Variants in ASAH2B observed in about 807,000 individuals in gnomAD.
ASAH2B encodes N-acylsphingosine amidohydrolase 2B.
Under a neutral mutation model 2.9 loss-of-function variants are expected in ASAH2B, and 1 was observed. The ratio of observed to expected loss-of-function variants is 0.34; its 90% CI spans 0.12 to 1.63. The LOEUF is 1.63. Among genes scored for constraint, ASAH2B ranks in the 40% most tolerant of loss-of-function variants. The pLI is 0.36. For missense variants in ASAH2B, 9 were observed against 37.7 expected, an observed-to-expected ratio of 0.24 and a Z score of 1.99; for synonymous variants, 4 against 13.3, an observed-to-expected ratio of 0.30 and a Z score of 1.52.
intron 3 of ASAH2B, among the ~76,000 whole-genome samples, chr10:50,746,354 A>G (rs1839905673): frequency 6.6e-6 from 1 of 151,548 alleles, no homozygotes; most frequent in Non-Finnish European, 1.5e-5. Flanking sequence ...ATGACTGAAT[A>G]GTATTCCATT....
intron 2 of ASAH2B, among the ~76,000 whole-genome samples, chr10:50,744,522 C>G (rs1348992265): frequency 6.6e-6 from 1 of 151,502 alleles, no homozygotes; most frequent in African/African-American, 2.4e-5. Flanking sequence ...ATGCCAATTA[C>G]TTTTGTACCA....
chr10:50,743,056 G>A (rs1839856494), intron 2 of ASAH2B, 46 bp downstream of exon 2: 3 of 1,576,706 alleles, frequency 1.9e-6, no homozygotes, highest in Non-Finnish European at 2.6e-6. Flanking sequence ...GTGTGTGTGT[G>A]TGTATGTCTG....
chr10:50,748,897 A>G (rs997628595), intron 3 of ASAH2B, among the ~76,000 whole-genome samples: 5 of 151,548 alleles, frequency 3.3e-5, no homozygotes, highest in Non-Finnish European at 5.9e-5. Flanking sequence ...TAGTCGTTTC[A>G]GGTGGGAGGA....
intron 3 of ASAH2B, among the ~76,000 whole-genome samples, chr10:50,747,293 A>G (rs1403018677): frequency 2.0e-5 from 3 of 151,454 alleles, no homozygotes; most frequent in African/African-American, 7.3e-5. Context: ...TCAATTTATC[A>G]TAAATGTGAG....
At chr10:50,748,872 T>C (rs1304193978) in intron 3 of ASAH2B, among the ~76,000 whole-genome samples, 1 of 151,476 alleles carries the variant, frequency 6.6e-6, no homozygotes, top group African/African-American at 2.4e-5. Context: ...TTAATATATA[T>C]TTTTTCCAGT....
rs2820792 is a variant in ASAH2B at position 50,758,819 on chromosome 10, G to A, written c.*4079G>A. 1.1e-4 allele frequency: 17 copies of A among 151,588 alleles called. No homozygotes were observed. Among genetic ancestry groups the A allele is most frequent in the Non-Finnish European group, 1.9e-4 (13 of 67,912 alleles). The allele number at this position is 151,588 out of a possible 1,614,324, so 9.4% of individuals were successfully genotyped here. A position where few individuals can be genotyped will look rare whatever the true frequency, so the allele number is the denominator to read the frequency against. ...TTAGAGTTTAACGAACAAAGCAAACGGATGAACAGGTAATTACTGTACAGA... is the reference window on the plus strand; with the variant it reads ...TTAGAGTTTAACGAACAAAGCAAACAGATGAACAGGTAATTACTGTACAGA... On this transcript the variant is annotated 3_prime_UTR_variant, in exon 6 of 6. Coordinates refer to ENST00000647317, the MANE Select transcript of ASAH2B (RefSeq NM_001321958.2).
At chr10:50,744,494 A>G (rs78968872) in intron 2 of ASAH2B, among the ~76,000 whole-genome samples, 16,363 of 151,606 alleles carry the variant, frequency 0.11, 1,258 homozygotes, top group African/African-American at 0.18. Flanking sequence ...TTAAATATTC[A>G]TTGAAATTAA....
At chr10:50,754,091 G>A (rs1221123399) in intron 5 of ASAH2B, among the ~76,000 whole-genome samples, 1 of 147,458 alleles carries the variant, frequency 6.8e-6, no homozygotes, top group South Asian at 2.1e-4. Flanking sequence ...TGTACCCTCA[G>A]TACTTCTAGA....
rs560207237 is a variant in ASAH2B, at chr10:50,744,246, T to A, written c.-3-882T>A. 4.0e-5 allele frequency among the ~76,000 whole-genome samples: 6 copies of A among 151,616 alleles called. No homozygotes were observed. The East Asian group carries it at 1.2e-3, about 29-fold the overall frequency. On this transcript the variant is annotated intron_variant, in intron 2 of 5. Transcript: ENST00000647317. ...AGGTCTATAGTTCTTCCCAAGAAAATAGATTCTTCAAATTTTGTAGTGACA... is the reference window on the plus strand; with the variant it reads ...AGGTCTATAGTTCTTCCCAAGAAAAAAGATTCTTCAAATTTTGTAGTGACA...
At chr10:50,744,820 C>G (rs560072800) in intron 2 of ASAH2B, 1 of 414,374 alleles carries the variant, frequency 2.4e-6, no homozygotes, top group Admixed American at 4.0e-5. Context: ...GGCCCCTGTA[C>G]AAGGTCAGAC....
At position 50,747,437 on chromosome 10, in the gene ASAH2B, G is replaced by GT. The variant is rs1050021559; in HGVS notation, c.145-1898dup. On this transcript the variant is annotated intron_variant, in intron 3 of 5. Transcript: ENST00000647317. ...CAGGTTGTGTGGTACCTTCATCTTT[G>GT]TTTTTTTTGCTGAAGATCCAATCCA... Among the ~76,000 whole-genome samples, 18 of 150,804 alleles carry GT rather than the reference G, an allele frequency of 1.2e-4. 1 individual carries two copies. Among genetic ancestry groups the GT allele is most frequent in the African/African-American group, 3.9e-4 (16 of 40,958 alleles).
chr10:50,745,933 G>A (rs1839898957), intron 3 of ASAH2B, among the ~76,000 whole-genome samples: 2 of 150,990 alleles, frequency 1.3e-5, no homozygotes, highest in East Asian at 3.9e-4. Flanking sequence ...TATACATGGG[G>A]AATGGCTCAA....
In ASAH2B at chr10:50,756,031, C is replaced by T. The variant is rs1330414922; in HGVS notation, c.*1291C>T. 3.7e-5 allele frequency: 3 copies of T among 81,588 alleles called. No homozygotes were observed. The highest frequency in any genetic ancestry group is 1.8e-4 in the Admixed American group (1 of 5,550). The allele number at this position is 81,588 out of a possible 1,614,324, so 5.1% of individuals were successfully genotyped here. On this transcript the variant is annotated 3_prime_UTR_variant, in exon 6 of 6. Transcript: ENST00000647317. ...ACCCCAAAGAATAAGATATGACAAT[C>T]TGACATCGATTGTCTGAAAGTACTA...
At chr10:50,747,827 A>C (rs188678762) in intron 3 of ASAH2B, among the ~76,000 whole-genome samples, 2 of 151,976 alleles carry the variant, frequency 1.3e-5, no homozygotes, top group African/African-American at 4.8e-5. Context: ...ACTCATGTCC[A>C]TGAGGGATAT....
chr10:50,743,258 C>T (rs1054694765), intron 2 of ASAH2B, among the ~76,000 whole-genome samples: 1 of 151,870 alleles, frequency 6.6e-6, no homozygotes, highest in Admixed American at 6.6e-5. Flanking sequence ...TGTATTTTCT[C>T]ACTATTTTTA....
At chr10:50,743,310 T>C (rs1839861490) in intron 2 of ASAH2B, among the ~76,000 whole-genome samples, 1 of 151,476 alleles carries the variant, frequency 6.6e-6, no homozygotes, top group Non-Finnish European at 1.5e-5. Flanking sequence ...TTCTCCCCAG[T>C]TTTCAGAGGA....
chr10:50,744,384 C>T lies in ASAH2B; in HGVS notation c.-3-744C>T, dbSNP rs536232130. Among the ~76,000 whole-genome samples, 3 of 151,456 alleles carry T rather than the reference C, an allele frequency of 2.0e-5. No homozygotes were observed. The South Asian group carries it at 6.3e-4, about 32-fold the overall frequency. On this transcript the variant is annotated intron_variant, in intron 2 of 5. Transcript: ENST00000647317. ...AAAAAAACCACTGAATATGTCTAAG[C>T]CTATTTTCTCATTTGCAAAATGGGA...
intron 3 of ASAH2B, among the ~76,000 whole-genome samples, chr10:50,745,685 G>A (rs1839895373): frequency 6.7e-6 from 1 of 149,782 alleles, no homozygotes; most frequent in South Asian, 2.1e-4. Flanking sequence ...ATGAGAAGAG[G>A]GGAGTCTGGA....
chr10:50,747,313 C>T (rs916794347), intron 3 of ASAH2B, among the ~76,000 whole-genome samples: 1 of 151,378 alleles, frequency 6.6e-6, no homozygotes, highest in Admixed American at 6.6e-5. Context: ...GGGCTTATTT[C>T]TGGGCTCCAT....
Sources: gnomAD v4.1 joint callset for allele counts (sites outside exome capture counted in the v4.1 genomes callset) on GRCh38, gnomAD v4.1.1 for gene constraint, MANE v1.5 for transcripts, NCBI Gene and HGNC (gene_info 2026-07-23, HGNC 2026-07-21) for gene names.